KIAA1217: variants seen among roughly 807,000 people sequenced by gnomAD.
KIAA1217 encodes KIAA1217.
Under a neutral mutation model 163.9 loss-of-function variants are expected in KIAA1217, and 88 were observed. That is an observed-to-expected ratio of 0.54 (90% CI 0.45 to 0.64). The LOEUF (loss-of-function observed/expected upper bound fraction) is 0.64. KIAA1217 is among the 30% of genes least tolerant of loss of function. The probability of loss-of-function intolerance (pLI) is 0.00; values close to 1 mark genes in which losing one functional copy is unlikely to be tolerated. For synonymous variants in KIAA1217, 903 were observed against 923.1 expected (o/e 0.98, Z 0.39); for missense variants, 2,372 against 2,475.0 (o/e 0.96, Z 0.88).
Position 23,869,132 on chromosome 10 carries a change from T to G in KIAA1217, c.-320-138093T>G, listed in dbSNP as rs930961879. ...TGCAATCATGAAATGTAGTTTTTTT[T>G]TTTTTTTTTTTTTTTTTTTTTTGCA... On this transcript the variant is annotated intron_variant, in intron 1 of 18. Transcript: ENST00000376462. Among the ~76,000 whole-genome samples, 353 of 137,260 alleles carry G rather than the reference T, an allele frequency of 2.6e-3. 6 individuals carry two copies. Among genetic ancestry groups the G allele is most frequent in the African/African-American group, 9.6e-3 (337 of 34,950 alleles). The allele number at this position is 137,260 out of a possible 152,430, so 90.0% of individuals were successfully genotyped here. A position where few individuals can be genotyped will look rare whatever the true frequency, so the allele number is the denominator to read the frequency against.
chr10:24,456,837 G>A (rs1206473349), intron 5 of KIAA1217, among the ~76,000 whole-genome samples: 1 of 151,628 alleles, frequency 6.6e-6, no homozygotes, highest in African/African-American at 2.4e-5. Flanking sequence ...CGAGTAGCTG[G>A]GATTACAGGC....
intron 2 of KIAA1217, among the ~76,000 whole-genome samples, chr10:24,113,651 G>A (rs956902075): frequency 3.9e-5 from 6 of 152,284 alleles, no homozygotes; most frequent in Non-Finnish European, 8.8e-5. Flanking sequence ...CTGGCTCCTG[G>A]GGAACTGTGC....
chr10:24,146,107 G>A (rs992184408), intron 2 of KIAA1217, among the ~76,000 whole-genome samples: 1 of 152,164 alleles, frequency 6.6e-6, no homozygotes, highest in Non-Finnish European at 1.5e-5. Context: ...AACTTTACGT[G>A]TACCTGATAA....
At chr10:23,856,381 C>G (rs924974652) in intron 1 of KIAA1217, among the ~76,000 whole-genome samples, 1 of 152,196 alleles carries the variant, frequency 6.6e-6, no homozygotes, top group Non-Finnish European at 1.5e-5. Context: ...AGTTTTGTCT[C>G]AGAAGAGTAC....
chr10:23,851,011 A>T (rs1234673904), intron 1 of KIAA1217, among the ~76,000 whole-genome samples: 1 of 151,632 alleles, frequency 6.6e-6, no homozygotes, highest in Non-Finnish European at 1.5e-5. Flanking sequence ...GGGGATTACA[A>T]TTTTTTTTAT....
chr10:23,828,844 G>A (rs1564456851), intron 1 of KIAA1217, among the ~76,000 whole-genome samples: 2 of 152,122 alleles, frequency 1.3e-5, no homozygotes, highest in South Asian at 4.1e-4. Context: ...CTTGGAATGA[G>A]GCTTTTTCTT....
At position 24,195,467 on chromosome 10, in the gene KIAA1217, A is replaced by G. The variant is rs552078486; in HGVS notation, c.-170-24159A>G. Reference sequence around the variant, plus strand: ...CAGGGCTTTTGTGGACGAGGCAGCCATGAACCTGCCCTGTCTCGAAGGTTC... The same window carrying G: ...CAGGGCTTTTGTGGACGAGGCAGCCGTGAACCTGCCCTGTCTCGAAGGTTC... On this transcript the variant is annotated intron_variant, in intron 2 of 18. Coordinates refer to the KIAA1217 transcript ENST00000376462. Among the ~76,000 whole-genome samples, 9 of 152,316 alleles carry G rather than the reference A, an allele frequency of 5.9e-5. 1 individual carries two copies. The South Asian group carries it at 1.9e-3, about 32-fold the overall frequency.
At chr10:23,785,018 A>G (rs751623352) in intron 1 of KIAA1217, among the ~76,000 whole-genome samples, 2 of 152,210 alleles carry the variant, frequency 1.3e-5, no homozygotes, top group East Asian at 3.8e-4. Flanking sequence ...TACCAGAATG[A>G]TATTTCTAAC....
intron 5 of KIAA1217, among the ~76,000 whole-genome samples, chr10:24,472,736 C>T (rs538376702): frequency 1.3e-5 from 2 of 152,176 alleles, no homozygotes; most frequent in South Asian, 4.1e-4. Flanking sequence ...TTTTAAACAC[C>T]ATAGGTGTAT....
intron 1 of KIAA1217, among the ~76,000 whole-genome samples, chr10:23,987,996 A>G (rs1846055218): frequency 6.6e-6 from 1 of 152,238 alleles, no homozygotes. Flanking sequence ...AATATTTACC[A>G]TAATGGAAAT....
intron 1 of KIAA1217, among the ~76,000 whole-genome samples, chr10:23,705,889 A>G (rs1452655934): frequency 6.6e-6 from 1 of 152,188 alleles, no homozygotes; most frequent in Admixed American, 6.5e-5. Flanking sequence ...CATTTGATAC[A>G]TGAGCATGGT....
intron 1 of KIAA1217, among the ~76,000 whole-genome samples, chr10:23,987,160 G>A (rs1318791881): frequency 6.6e-6 from 1 of 151,908 alleles, no homozygotes; most frequent in Admixed American, 6.6e-5. Flanking sequence ...GGTGTATCAC[G>A]AGGTCAGGAG....
At chr10:23,970,725 C>G (rs933840570) in intron 1 of KIAA1217, among the ~76,000 whole-genome samples, 2 of 152,136 alleles carry the variant, frequency 1.3e-5, no homozygotes, top group Non-Finnish European at 2.9e-5. Flanking sequence ...GGCCACCAAC[C>G]AACTGAATAG....
chr10:24,521,715 A>G (rs1313705252), intron 11 of KIAA1217, 67 bp from the exon 12 acceptor site: 3 of 1,552,462 alleles, frequency 1.9e-6, no homozygotes, highest in Non-Finnish European at 1.7e-6. Flanking sequence ...CCAGTATCGG[A>G]GTGCGGGATG....
chr10:23,698,715 G>T (rs562057371), intron 1 of KIAA1217, among the ~76,000 whole-genome samples: 1 of 152,280 alleles, frequency 6.6e-6, no homozygotes, highest in South Asian at 2.1e-4. Context: ...GTTGTCGACC[G>T]TAGGCTTAAG....
chr10:24,330,906 G>A (rs368270813), intron 2 of KIAA1217, among the ~76,000 whole-genome samples: 5 of 152,086 alleles, frequency 3.3e-5, no homozygotes, highest in African/African-American at 1.2e-4. Context: ...GAGCCACTGT[G>A]CCCAGCCAGG....
At chr10:24,081,597 G>C (rs1006604406) in intron 2 of KIAA1217, among the ~76,000 whole-genome samples, 1 of 151,812 alleles carries the variant, frequency 6.6e-6, no homozygotes, top group Non-Finnish European at 1.5e-5. Flanking sequence ...CCCTAAAATG[G>C]TCTGCACAGT....
intron 1 of KIAA1217, among the ~76,000 whole-genome samples, chr10:23,920,609 T>A (rs967111829): frequency 6.6e-6 from 1 of 152,184 alleles, no homozygotes; most frequent in African/African-American, 2.4e-5. Flanking sequence ...TCTCTATTTA[T>A]CTCTTAAATC....
At chr10:24,286,464 A>C (rs971918380) in intron 2 of KIAA1217, among the ~76,000 whole-genome samples, 3 of 152,126 alleles carry the variant, frequency 2.0e-5, no homozygotes, top group Non-Finnish European at 4.4e-5. Flanking sequence ...ATACACACAC[A>C]CACACACATA....
Sources: allele counts gnomAD v4.1 joint callset (sites outside exome capture counted in the v4.1 genomes callset), GRCh38; gene constraint gnomAD v4.1.1; transcripts MANE v1.5; gene names NCBI Gene and HGNC (gene_info 2026-07-23, HGNC 2026-07-21).